The following KLHL2 variants were observed in gnomAD, a reference collection of about 807,000 sequenced individuals.
KLHL2 encodes the protein kelch like family member 2, also known as kelch-like protein 2.
A neutral mutation model predicts 75.8 loss-of-function variants in KLHL2; 15 were observed. That is an observed-to-expected ratio of 0.20 (90% CI 0.13 to 0.30). KLHL2 has a LOEUF of 0.30. Ranked by LOEUF, KLHL2 falls within the 10% of genes least tolerant of loss-of-function variation. The probability of loss-of-function intolerance (pLI) is 1.00; values close to 1 mark genes in which losing one functional copy is unlikely to be tolerated. For synonymous variants in KLHL2, 214 were observed against 251.9 expected (o/e 0.85, Z 1.42); for missense variants, 381 against 741.0 (o/e 0.51, Z 5.64).
At chr4:165,214,327 A>G (rs1003197854) in intron 1 of KLHL2, among the ~76,000 whole-genome samples, 1 of 152,158 alleles carries the variant, frequency 6.6e-6, no homozygotes, top group African/African-American at 2.4e-5. Flanking sequence ...CACCTCACAA[A>G]TATCCCACTC....
chr4:165,246,473 G>A (rs1008765690), intron 4 of KLHL2, among the ~76,000 whole-genome samples: 35 of 152,152 alleles, frequency 2.3e-4, no homozygotes, highest in African/African-American at 8.0e-4. Flanking sequence ...AGGCCCTTTA[G>A]ATACCTGTTG....
rs1190263418 is a variant in KLHL2 at position 165,207,749 on chromosome 4, A to T, written c.-128A>T. The T allele has an allele frequency of 1.2e-5, 8 of 659,242 alleles. No individual in the cohort carries two copies. Among genetic ancestry groups the T allele is most frequent in the South Asian group, 2.8e-5 (1 of 35,256 alleles). The allele number at this position is 659,242 out of a possible 1,614,324, so 40.8% of individuals were successfully genotyped here. A position where few individuals can be genotyped will look rare whatever the true frequency, so the allele number is the denominator to read the frequency against. On this transcript the variant is annotated 5_prime_UTR_variant, in exon 1 of 15. Coordinates refer to ENST00000226725, the MANE Select transcript of KLHL2 (RefSeq NM_007246.4). This position sits in a 1 kb window ranked among gnomAD's most constrained non-coding sequence, Gnocchi z 4.2. ...CCGCAGGTGGTGGCGCGCGGTGAGG[A>T]GAGCGCGGCGCCCCCTCCGGGGCGG...
intron 7 of KLHL2, among the ~76,000 whole-genome samples, chr4:165,299,146 T>C (rs532307336): frequency 6.6e-6 from 1 of 152,192 alleles, no homozygotes; most frequent in Non-Finnish European, 1.5e-5. Context: ...GAAGGATGTA[T>C]TATCTAAACT....
intron 2 of KLHL2, among the ~76,000 whole-genome samples, chr4:165,227,900 C>G (rs1409506332): frequency 8.2e-6 from 1 of 121,336 alleles, no homozygotes; most frequent in African/African-American, 3.0e-5. Context: ...TAACAAAATG[C>G]TTTTTTTTTT....
chr4:165,303,562 TTTTA>T (rs1169346455), intron 8 of KLHL2, among the ~76,000 whole-genome samples: 2 of 151,610 alleles, frequency 1.3e-5, no homozygotes, highest in African/African-American at 4.8e-5. Context: ...ATTATGTTTA[TTTTA>T]TTTATTTATT....
At chr4:165,272,361 AAG>A (rs1437155309) in intron 5 of KLHL2, among the ~76,000 whole-genome samples, 1 of 152,162 alleles carries the variant, frequency 6.6e-6, no homozygotes, top group Non-Finnish European at 1.5e-5. Flanking sequence ...ATTCCAATGC[AAG>A]CAATTCTGTT....
chr4:165,207,917 G>C lies in KLHL2; in HGVS notation c.26+15G>C. ...CTGCCTCCCGCGTGAGTGAGCGGGC[G>C]GGCGGGCTGCGCCGCTGCGGATAAG... On this transcript the variant is annotated intron_variant, in intron 1 of 14. Transcript: ENST00000226725. This position sits in a 1 kb window ranked among gnomAD's most constrained non-coding sequence, Gnocchi z 4.2. 7.0e-7 allele frequency: 1 copy of C among 1,418,872 alleles called. No individual in the cohort carries two copies. Among genetic ancestry groups the C allele is most frequent in the Non-Finnish European group, 9.3e-7 (1 of 1,078,348 alleles). 87.9% of individuals were successfully genotyped at this position (1,418,872 alleles called of 1,614,324 possible). A position where few individuals can be genotyped will look rare whatever the true frequency, so the allele number is the denominator to read the frequency against.
At chr4:165,251,436 T>C (rs1308182263) in intron 4 of KLHL2, among the ~76,000 whole-genome samples, 1 of 152,114 alleles carries the variant, frequency 6.6e-6, no homozygotes, top group Non-Finnish European at 1.5e-5. Context: ...ACATCCATTC[T>C]CCATTCTAGT....
intron 4 of KLHL2, among the ~76,000 whole-genome samples, chr4:165,255,143 A>G (rs1413709632): frequency 6.6e-6 from 1 of 152,232 alleles, no homozygotes; most frequent in Admixed American, 6.5e-5. Flanking sequence ...AACTGGAAAA[A>G]GGATAGTGTA....
intron 13 of KLHL2, among the ~76,000 whole-genome samples, chr4:165,317,383 G>T (rs778694536): frequency 6.7e-6 from 1 of 148,534 alleles, no homozygotes; most frequent in Non-Finnish European, 1.5e-5. Flanking sequence ...TTTTTTTGGA[G>T]ACAGAGTCTC....
chr4:165,281,554 A>C (rs1743688444), intron 5 of KLHL2, among the ~76,000 whole-genome samples: 1 of 152,130 alleles, frequency 6.6e-6, no homozygotes, highest in East Asian at 1.9e-4. Context: ...TGACCTCGTG[A>C]TCCACCCGCC....
chr4:165,213,287 G>A (rs1258117954), intron 1 of KLHL2, among the ~76,000 whole-genome samples: 10 of 152,160 alleles, frequency 6.6e-5, no homozygotes. Flanking sequence ...TCCCCACACT[G>A]TTTTAACCCT....
chr4:165,278,929 G>T (rs140222065), intron 5 of KLHL2: 13 of 1,424,052 alleles, frequency 9.1e-6, no homozygotes, highest in Non-Finnish European at 5.0e-6. Flanking sequence ...TTAGGCCATA[G>T]ATCTCAGAAG....
intron 5 of KLHL2, chr4:165,278,363 A>C (rs767012785): frequency 2.4e-6 from 3 of 1,266,178 alleles, no homozygotes; most frequent in Non-Finnish European, 3.5e-6. Context: ...GTTGCTGGTC[A>C]TTCCTCCATC....
chr4:165,304,764 G>A (rs924479096), intron 8 of KLHL2, among the ~76,000 whole-genome samples: 17 of 152,038 alleles, frequency 1.1e-4, no homozygotes, highest in African/African-American at 2.7e-4. Context: ...ATAATTTTTC[G>A]ATCATATGTA....
chr4:165,256,112 G>A (rs2111196426), intron 4 of KLHL2, among the ~76,000 whole-genome samples: 1 of 152,146 alleles, frequency 6.6e-6, no homozygotes, highest in South Asian at 2.1e-4. Flanking sequence ...TCTTTACAAT[G>A]TGCAGCTGGT....
chr4:165,293,796 A>C (rs983806577), intron 5 of KLHL2, among the ~76,000 whole-genome samples: 2 of 151,444 alleles, frequency 1.3e-5, no homozygotes, highest in Non-Finnish European at 2.9e-5. Flanking sequence ...GATTATAGGC[A>C]TGAGCCACTG....
intron 5 of KLHL2, among the ~76,000 whole-genome samples, chr4:165,294,065 A>T (rs1205799529): frequency 1.3e-5 from 2 of 152,212 alleles, no homozygotes; most frequent in Admixed American, 6.5e-5. Flanking sequence ...AGATTTTTTT[A>T]AGCCTAAAAT....
chr4:165,290,406 A>T lies in KLHL2; in HGVS notation c.545-3953A>T, dbSNP rs1187810745. ...CTCCTCAGCCTCCCAAGATTCTGGG[A>T]TTACAGGCGTGAGCCACTGCGCCTG... On this transcript the variant is annotated intron_variant, in intron 5 of 14. Transcript: ENST00000226725. 2.0e-5 allele frequency among the ~76,000 whole-genome samples: 3 copies of T among 152,134 alleles called. No individual in the cohort carries two copies. In the East Asian group the frequency reaches 5.8e-4, roughly 29 times the overall value.
Sources: allele counts gnomAD v4.1 joint callset (sites outside exome capture counted in the v4.1 genomes callset), GRCh38; gene constraint gnomAD v4.1.1; non-coding constraint Gnocchi (gnomAD v3.1); transcripts MANE v1.5; gene names NCBI Gene and HGNC (gene_info 2026-07-23, HGNC 2026-07-21).